NTRK3: variants seen among roughly 807,000 people sequenced by gnomAD.
NTRK3 encodes NT-3 growth factor receptor.
NTRK3 carries 24 observed loss-of-function variants against 91.7 expected under a neutral mutation model. The ratio of observed to expected loss-of-function variants is 0.26; its 90% confidence interval spans 0.19 to 0.37. The LOEUF (loss-of-function observed/expected upper bound fraction) is 0.37. Ranked by LOEUF, NTRK3 falls within the 10% of genes least tolerant of loss-of-function variation. The probability of loss-of-function intolerance (pLI) is 1.00; values close to 1 mark genes in which losing one functional copy is unlikely to be tolerated. For missense variants in NTRK3, 880 were observed against 1,068.9 expected, an observed-to-expected ratio of 0.82 and a Z score of 2.46; for synonymous variants, 483 against 404.0, an observed-to-expected ratio of 1.20 and a Z score of -2.34.
At chr15:88,077,315 T>C (rs536727411) in intron 13 of NTRK3, among the ~76,000 whole-genome samples, 8 of 152,162 alleles carry the variant, frequency 5.3e-5, no homozygotes, top group Non-Finnish European at 1.2e-4. Context: ...GACCAATGTT[T>C]TATCTTGAGT....
intron 17 of NTRK3, among the ~76,000 whole-genome samples, chr15:87,880,964 G>T (rs2065211058): frequency 6.6e-6 from 1 of 152,214 alleles, no homozygotes; most frequent in Non-Finnish European, 1.5e-5. Flanking sequence ...CAAAAGCGTG[G>T]AAGACCACGT....
At chr15:87,896,472 A>AG (rs2066131234) in intron 17 of NTRK3, among the ~76,000 whole-genome samples, 1 of 139,336 alleles carries the variant, frequency 7.2e-6, no homozygotes, top group African/African-American at 2.8e-5. Context: ...TCTGTCTCAA[A>AG]GAAAAAAAAA....
At chr15:88,225,437 C>T (rs1270358402) in intron 3 of NTRK3, among the ~76,000 whole-genome samples, 1 of 152,156 alleles carries the variant, frequency 6.6e-6, no homozygotes, top group East Asian at 1.9e-4. Flanking sequence ...ACCCCAAAAA[C>T]CCTCTGTTTT....
chr15:87,936,640 A>C (rs1044264123), intron 15 of NTRK3, among the ~76,000 whole-genome samples: 1 of 151,942 alleles, frequency 6.6e-6, no homozygotes, highest in African/African-American at 2.4e-5. Flanking sequence ...CATGATATAC[A>C]CACATTCCTA....
At chr15:88,169,641 T>A (rs1256927928) in intron 5 of NTRK3, among the ~76,000 whole-genome samples, 1 of 152,196 alleles carries the variant, frequency 6.6e-6, no homozygotes, top group East Asian at 1.9e-4. Flanking sequence ...TTTAGTACAC[T>A]GACTTTGGGG....
At chr15:87,897,283 T>C (rs1401393625) in intron 17 of NTRK3, among the ~76,000 whole-genome samples, 1 of 152,150 alleles carries the variant, frequency 6.6e-6, no homozygotes, top group Non-Finnish European at 1.5e-5. Flanking sequence ...TAACTTATTT[T>C]GTTTTCCTCT....
At chr15:88,105,673 G>A (rs2050626674) in intron 13 of NTRK3, among the ~76,000 whole-genome samples, 1 of 151,968 alleles carries the variant, frequency 6.6e-6, no homozygotes, top group African/African-American at 2.4e-5. Flanking sequence ...TTCATCAAAG[G>A]AAAGGTACCT....
chr15:88,253,425 C>G (rs1429366044), intron 3 of NTRK3: 1 of 152,334 alleles, frequency 6.6e-6, no homozygotes, highest in Non-Finnish European at 1.5e-5. Flanking sequence ...CTTACCACCC[C>G]AAGCCTCCAT....
intron 13 of NTRK3, among the ~76,000 whole-genome samples, chr15:88,054,878 C>T (rs1228941499): frequency 6.6e-6 from 1 of 152,100 alleles, no homozygotes; most frequent in African/African-American, 2.4e-5. Flanking sequence ...GATTTTTGCA[C>T]TTCCATGAGA....
intron 17 of NTRK3, among the ~76,000 whole-genome samples, chr15:87,920,084 G>T (rs1183825582): frequency 6.6e-6 from 1 of 152,148 alleles, no homozygotes; most frequent in African/African-American, 2.4e-5. Context: ...TCTCTGATTT[G>T]GAACCTGGAC....
intron 13 of NTRK3, among the ~76,000 whole-genome samples, chr15:88,061,326 C>G (rs970428381): frequency 2.0e-5 from 3 of 152,212 alleles, no homozygotes; most frequent in Non-Finnish European, 1.5e-5. Flanking sequence ...AAATGGAGCT[C>G]CGAGGAGGGA....
chr15:87,928,999 G>A, intron 17 of NTRK3, 192 bp downstream of exon 17: 2 of 692,168 alleles, frequency 2.9e-6, no homozygotes, highest in Non-Finnish European at 4.9e-6. Flanking sequence ...AAGAAGGAGT[G>A]GGCAATTGAG....
In NTRK3 at chr15:87,894,451, C is replaced by T. The variant is rs73452629; in HGVS notation, c.2134-14023G>A. ...TGTGTGTGTGACAATGCATGTGCAT[C>T]GTGTGTACAGTCATAGATACAGACC... On this transcript the variant is annotated intron_variant, in intron 17 of 18. Transcript: ENST00000394480. Among the ~76,000 whole-genome samples the T allele has an allele frequency of 2.0e-3, 305 of 152,262 alleles. 2 individuals are homozygous for T. Among genetic ancestry groups the T allele is most frequent in the African/African-American group, 6.7e-3 (278 of 41,538 alleles).
chr15:87,955,975 T>C (rs1411258444), intron 14 of NTRK3, among the ~76,000 whole-genome samples: 1 of 152,128 alleles, frequency 6.6e-6, no homozygotes, highest in Non-Finnish European at 1.5e-5. Flanking sequence ...AGAGGATAGA[T>C]GAGTCACCCA....
chr15:87,894,309 G>A lies in NTRK3; in HGVS notation c.2134-13881C>T, dbSNP rs7167470. Among the ~76,000 whole-genome samples the A allele has an allele frequency of 8.4e-3, 1,277 of 152,210 alleles. 17 individuals are homozygous for A. Among genetic ancestry groups the A allele is most frequent in the African/African-American group, 0.029 (1,201 of 41,514 alleles). On this transcript the variant is annotated intron_variant, in intron 17 of 18. Transcript: ENST00000394480. ...CACCATAACAGTCTTTAAAATCATC[G>A]GCACTCTTGGTCCAGAGGGTTTGGG...
chr15:87,942,223 T>G (rs1168618006), intron 14 of NTRK3, among the ~76,000 whole-genome samples: 3 of 152,118 alleles, frequency 2.0e-5, no homozygotes, highest in Non-Finnish European at 4.4e-5. Context: ...TATTTTCTCC[T>G]CCCCCTAGGA....
chr15:88,079,560 G>A (rs2047864230), intron 13 of NTRK3, among the ~76,000 whole-genome samples: 2 of 152,244 alleles, frequency 1.3e-5, no homozygotes, highest in African/African-American at 4.8e-5. Flanking sequence ...ACAGCCAGCT[G>A]ATAGGGGTTG....
At chr15:88,102,178 G>A (rs2050243773) in intron 13 of NTRK3, among the ~76,000 whole-genome samples, 3 of 152,044 alleles carry the variant, frequency 2.0e-5, no homozygotes. Context: ...CATTATAGAT[G>A]GTACAGGAAG....
chr15:87,969,349 A>G (rs1043982638), intron 14 of NTRK3, among the ~76,000 whole-genome samples: 2 of 152,174 alleles, frequency 1.3e-5, no homozygotes, highest in Non-Finnish European at 2.9e-5. Context: ...CTTTGTGCAA[A>G]TATCATTTCC....
Sources: allele counts gnomAD v4.1 joint callset (sites outside exome capture counted in the v4.1 genomes callset), GRCh38; gene constraint gnomAD v4.1.1; transcripts MANE v1.5; gene names NCBI Gene and HGNC (gene_info 2026-07-23, HGNC 2026-07-21).